The following SIRPB1 variants were observed in gnomAD, a reference collection of about 807,000 sequenced individuals.
The protein encoded by SIRPB1 is signal-regulatory protein beta-1.
A neutral mutation model predicts 34.1 loss-of-function variants in SIRPB1; 28 were observed. That is an observed-to-expected ratio of 0.82 (90% CI 0.61 to 1.12). The LOEUF is 1.12. Among genes scored for constraint, SIRPB1 ranks in the 50% most tolerant of loss-of-function variants. The pLI is 0.00. For synonymous variants in SIRPB1, 211 were observed against 203.8 expected (o/e 1.04, Z -0.30); for missense variants, 499 against 507.0 (o/e 0.98, Z 0.15).
chr20:1,572,387 G>A (rs2091255698), intron 2 of SIRPB1, among the ~76,000 whole-genome samples: 1 of 151,852 alleles, frequency 6.6e-6, no homozygotes, highest in Non-Finnish European at 1.5e-5. Context: ...TCCCCCGGAA[G>A]GCTCACTAAC....
rs1363735664 is a variant in SIRPB1, at chr20:1,610,348, C to G, written c.76+9521G>C. 8.3e-5 allele frequency among the ~76,000 whole-genome samples: 6 copies of G among 72,656 alleles called. 2 individuals are homozygous for G. The highest frequency in any genetic ancestry group is 1.6e-4 in the Non-Finnish European group (6 of 38,652). The allele number at this position is 72,656 out of a possible 152,430, so 47.7% of individuals were successfully genotyped here. ...GCCACGATTCAGATATGGACTCTGG[C>G]TCCAATTCTGCCACTAACTGGCCCT... is the stretch of plus-strand genomic sequence containing the variant. On this transcript the variant is annotated intron_variant, in intron 1 of 5. Transcript: ENST00000381605.
chr20:1,617,488 A>G (rs1195168368), intron 1 of SIRPB1, among the ~76,000 whole-genome samples: 1 of 152,212 alleles, frequency 6.6e-6, no homozygotes, highest in African/African-American at 2.4e-5. Flanking sequence ...AAAAAGTTGA[A>G]CTCATAGAAG....
intron 4 of SIRPB1, among the ~76,000 whole-genome samples, chr20:1,569,840 C>T (rs750394857): frequency 1.1e-4 from 16 of 152,118 alleles, no homozygotes; most frequent in Non-Finnish European, 1.6e-4. Flanking sequence ...GTATTCGGGT[C>T]AAAGCACTCA....
rs137882149 is a variant in SIRPB1 at position 1,615,099 on chromosome 20, G to T, written c.76+4770C>A. Among the ~76,000 whole-genome samples the T allele has an allele frequency of 2.9e-4, 44 of 152,296 alleles. 1 individual carries two copies. In the East Asian group the frequency reaches 7.7e-3, roughly 27 times the overall value. ...TCAGTAAGTTTTTTCTGGGGTGCTT[G>T]TGGCAACATATTCTTCATTTACAAA... On this transcript the variant is annotated intron_variant, in intron 1 of 5. Transcript: ENST00000381605.
At position 1,565,967 on chromosome 20, in the gene SIRPB1, G is replaced by A. The variant is rs368544292; in HGVS notation, c.*2+186C>T. On this transcript the variant is annotated intron_variant, in intron 5 of 5. Coordinates refer to ENST00000381605, the MANE Select transcript of SIRPB1 (RefSeq NM_006065.5). ...AATACCCTTGACCATCCCAACTCCT[G>A]CACACTCCCTGGGGGTTGGGAGCCC... is the stretch of plus-strand genomic sequence containing the variant. Among the ~76,000 whole-genome samples the A allele has an allele frequency of 6.0e-4, 92 of 152,134 alleles. 3 individuals are homozygous for A. The South Asian group carries it at 0.019, about 31-fold the overall frequency.
chr20:1,609,935 T>C (rs1407252688), intron 1 of SIRPB1, among the ~76,000 whole-genome samples: 1 of 72,980 alleles, frequency 1.4e-5, no homozygotes, highest in Non-Finnish European at 2.6e-5. Flanking sequence ...GGGTGACACA[T>C]GTACAAGGTC....
At position 1,563,119 on chromosome 20, in the gene SIRPB1, C is replaced by CA. The variant is rs1212381031; in HGVS notation, c.*2380dup. ...GAAAGGATCTTCTGGAGTGATTCCA[C>CA]AATATTGAAAATTCAAGGGATAAGA... On this transcript the variant is annotated 3_prime_UTR_variant, in exon 6 of 6. Coordinates refer to ENST00000381605, the MANE Select transcript of SIRPB1 (RefSeq NM_006065.5). 3.3e-5 allele frequency among the ~76,000 whole-genome samples: 5 copies of CA among 152,126 alleles called. No individual in the cohort carries two copies. Among genetic ancestry groups the CA allele is most frequent in the Non-Finnish European group, 7.4e-5 (5 of 68,026 alleles).
At position 1,564,684 on chromosome 20, in the gene SIRPB1, C is replaced by T. The variant is rs2091105093; in HGVS notation, c.*816G>A. 1 of 377,834 alleles carries T rather than the reference C, an allele frequency of 2.6e-6. No individual in the cohort carries two copies. Among genetic ancestry groups the T allele is most frequent in the East Asian group, 3.7e-5 (1 of 26,744 alleles). 23.4% of individuals were successfully genotyped at this position (377,834 alleles called of 1,614,324 possible). A position where few individuals can be genotyped will look rare whatever the true frequency, so the allele number is the denominator to read the frequency against. On this transcript the variant is annotated 3_prime_UTR_variant, in exon 6 of 6. Transcript: ENST00000381605. ...CAATTGTTAAATTTCAGGAATCTTG[C>T]AATCTGGTTGTTTAACTGTTGGCAG...
chr20:1,590,793 G>A (rs2091439092), intron 1 of SIRPB1, among the ~76,000 whole-genome samples: 1 of 49,156 alleles, frequency 2.0e-5, no homozygotes, highest in Admixed American at 1.4e-4. Context: ...ACTCCATCAC[G>A]TGGGGTGGGG....
chr20:1,572,127 G>T (rs1015067059), intron 2 of SIRPB1, 90 bp from the exon 3 acceptor site: 5 of 1,582,418 alleles, frequency 3.2e-6, no homozygotes, highest in Non-Finnish European at 4.3e-6. Flanking sequence ...CTTCTGAGAC[G>T]TTAGTTTTTA....
chr20:1,616,247 G>A (rs1477327727), intron 1 of SIRPB1, among the ~76,000 whole-genome samples: 1 of 152,128 alleles, frequency 6.6e-6, no homozygotes, highest in Non-Finnish European at 1.5e-5. Flanking sequence ...ATAGAAAATT[G>A]TGAGTAGAAA....
At position 1,610,904 on chromosome 20, in the gene SIRPB1, G is replaced by A. The variant is rs2091556312; in HGVS notation, c.76+8965C>T. Among the ~76,000 whole-genome samples, 2 of 73,116 alleles carry A rather than the reference G, an allele frequency of 2.7e-5. 1 individual carries two copies. Among genetic ancestry groups the A allele is most frequent in the Non-Finnish European group, 5.2e-5 (2 of 38,766 alleles). 48.0% of individuals were successfully genotyped at this position (73,116 alleles called of 152,430 possible). On this transcript the variant is annotated intron_variant, in intron 1 of 5. Coordinates refer to ENST00000381605, the MANE Select transcript of SIRPB1 (RefSeq NM_006065.5). ...AGAGCTTTGGGCTGTTTCATTCACT[G>A]CTGTTTGCACAGCATCTAGGGCAGA...
rs2091686571 is a variant in SIRPB1, at chr20:1,619,982, G to C, written c.-38C>G. 6.3e-7 allele frequency: 1 copy of C among 1,581,712 alleles called. No individual in the cohort carries two copies. The highest frequency in any genetic ancestry group is 8.6e-7 in the Non-Finnish European group (1 of 1,166,038). On this transcript the variant is annotated 5_prime_UTR_variant, in exon 1 of 6. Coordinates refer to ENST00000381605, the MANE Select transcript of SIRPB1 (RefSeq NM_006065.5). ...AGGAGCCTGCTCTGTCCAAACGTCTGTGCTGGGAAGATCGCAGACTCTGCT... is the reference window on the plus strand; with the variant it reads ...AGGAGCCTGCTCTGTCCAAACGTCTCTGCTGGGAAGATCGCAGACTCTGCT...
In SIRPB1 at chr20:1,611,532, G is replaced by A; in HGVS notation, c.76+8337C>T. The A allele has an allele frequency of 2.1e-6, 2 of 964,152 alleles. 1 individual carries two copies. Among genetic ancestry groups the A allele is most frequent in the Non-Finnish European group, 2.8e-6 (2 of 718,484 alleles). The allele number at this position is 964,152 out of a possible 1,614,324, so 59.7% of individuals were successfully genotyped here. ...GGTCTGAAACAGTTGTTACCCGTGG[G>A]AAGTGGCCTTCTTTCTGATTGTAGA... is the stretch of plus-strand genomic sequence containing the variant. On this transcript the variant is annotated intron_variant, in intron 1 of 5. Coordinates refer to ENST00000381605, the MANE Select transcript of SIRPB1 (RefSeq NM_006065.5).
In SIRPB1 at chr20:1,610,262, C is replaced by T; in HGVS notation, c.76+9607G>A. Reference sequence around the variant, plus strand: ...CTGTTTGAGGAGCTTTTATCTAGCACCTATGATGCACCAGGCTCTTCTATG... The same window carrying T: ...CTGTTTGAGGAGCTTTTATCTAGCATCTATGATGCACCAGGCTCTTCTATG... On this transcript the variant is annotated intron_variant, in intron 1 of 5. Coordinates refer to ENST00000381605, the MANE Select transcript of SIRPB1 (RefSeq NM_006065.5). 2.7e-5 allele frequency among the ~76,000 whole-genome samples: 2 copies of T among 72,750 alleles called. 1 individual carries two copies. Among genetic ancestry groups the T allele is most frequent in the Non-Finnish European group, 5.2e-5 (2 of 38,706 alleles). The allele number at this position is 72,750 out of a possible 152,430, so 47.7% of individuals were successfully genotyped here.
rs1402451774 is a variant in SIRPB1, at chr20:1,601,769, G to T, written c.76+18100C>A. Among the ~76,000 whole-genome samples, 2 of 48,452 alleles carry T rather than the reference G, an allele frequency of 4.1e-5. 1 individual carries two copies. Among genetic ancestry groups the T allele is most frequent in the Non-Finnish European group, 7.9e-5 (2 of 25,354 alleles). The allele number at this position is 48,452 out of a possible 152,430, so 31.8% of individuals were successfully genotyped here. ...TAGATGGTGCAGATTCATCTCTTCC[G>T]GCTCCTCCTTGAGAAGTACAACTAA... On this transcript the variant is annotated intron_variant, in intron 1 of 5. Coordinates refer to ENST00000381605, the MANE Select transcript of SIRPB1 (RefSeq NM_006065.5).
intron 3 of SIRPB1, 54 bp from the exon 4 acceptor site, chr20:1,571,191 G>C: frequency 6.5e-7 from 1 of 1,539,972 alleles, no homozygotes; most frequent in Non-Finnish European, 8.9e-7. Flanking sequence ...AGATCACAGG[G>C]AGGGCTAAAT....
intron 1 of SIRPB1, among the ~76,000 whole-genome samples, chr20:1,618,337 C>T (rs1160851890): frequency 6.6e-6 from 1 of 152,202 alleles, no homozygotes; most frequent in Non-Finnish European, 1.5e-5. Flanking sequence ...AAAGAATGAA[C>T]TTTGGAGCCG....
rs1373681148 is a variant in SIRPB1 at position 1,605,967 on chromosome 20, A to G, written c.76+13902T>C. The G allele has an allele frequency of 9.2e-6, 2 of 218,226 alleles. 1 individual carries two copies. The highest frequency in any genetic ancestry group is 8.4e-5 in the Admixed American group (2 of 23,948). The allele number at this position is 218,226 out of a possible 1,614,324, so 13.5% of individuals were successfully genotyped here. A position where few individuals can be genotyped will look rare whatever the true frequency, so the allele number is the denominator to read the frequency against. ...GTACTTTAATGAAATAACCAATGAG[A>G]GTGGGTTTGCAGTTGAGGATTTTCA... On this transcript the variant is annotated intron_variant, in intron 1 of 5. Transcript: ENST00000381605.
Sources: gnomAD v4.1 joint callset for allele counts (sites outside exome capture counted in the v4.1 genomes callset) on GRCh38, gnomAD v4.1.1 for gene constraint, MANE v1.5 for transcripts, NCBI Gene and HGNC (gene_info 2026-07-23, HGNC 2026-07-21) for gene names.